UTRN: variants seen among roughly 807,000 people sequenced by gnomAD.
UTRN encodes dystrophin-related protein 1.
A neutral mutation model predicts 463.9 loss-of-function variants in UTRN; 283 were observed. That is an observed-to-expected ratio of 0.61 (90% CI 0.55 to 0.67). UTRN has a LOEUF of 0.67. Among genes scored for constraint, UTRN ranks in the 30% least tolerant of loss-of-function variants. The probability of loss-of-function intolerance (pLI) is 0.00; values close to 1 mark genes in which losing one functional copy is unlikely to be tolerated. For synonymous variants in UTRN, 1,442 were observed against 1,431.5 expected (o/e 1.01, Z -0.17); for missense variants, 3,922 against 4,084.3 (o/e 0.96, Z 1.08).
At chr6:144,493,759 A>G (rs1283340745) in intron 33 of UTRN, among the ~76,000 whole-genome samples, 1 of 151,844 alleles carries the variant, frequency 6.6e-6, no homozygotes, top group African/African-American at 2.4e-5. Flanking sequence ...GCTTGAGCCC[A>G]GGGGTTTGAG....
chr6:144,546,470 C>A (rs897728119), intron 46 of UTRN, among the ~76,000 whole-genome samples: 4 of 152,008 alleles, frequency 2.6e-5, no homozygotes, highest in African/African-American at 9.7e-5. Context: ...AATAATAAAG[C>A]CATTATATGT....
At chr6:144,329,587 T>C (rs547360094) in intron 2 of UTRN, among the ~76,000 whole-genome samples, 2 of 152,204 alleles carry the variant, frequency 1.3e-5, no homozygotes, top group Non-Finnish European at 2.9e-5. Context: ...AGTTGTAAGG[T>C]GATGTGAAAA....
chr6:144,538,348 C>A (rs1048860081), intron 44 of UTRN, among the ~76,000 whole-genome samples: 10 of 151,994 alleles, frequency 6.6e-5, no homozygotes, highest in African/African-American at 2.4e-4. Flanking sequence ...GAACACTCAG[C>A]ATAATGTGCT....
In UTRN at chr6:144,454,506, C is replaced by T. The variant is rs754070108; in HGVS notation, c.2284+637C>T. Reference sequence around the variant, plus strand: ...AAAGACATTTCTTGCACTCCATGTACGTTGGTCTAATAATGGTAAGCACTT... The same window carrying T: ...AAAGACATTTCTTGCACTCCATGTATGTTGGTCTAATAATGGTAAGCACTT... On this transcript the variant is annotated intron_variant, in intron 19 of 74. Transcript: ENST00000367545. 6.6e-5 allele frequency among the ~76,000 whole-genome samples: 10 copies of T among 152,008 alleles called. 1 individual carries two copies. Among genetic ancestry groups the T allele is most frequent in the African/African-American group, 7.2e-5 (3 of 41,404 alleles).
chr6:144,434,779 C>T (rs1786369590), intron 9 of UTRN, among the ~76,000 whole-genome samples: 1 of 152,094 alleles, frequency 6.6e-6, no homozygotes. Context: ...AGCAGGAAAC[C>T]AGGGCAGTGT....
intron 61 of UTRN, among the ~76,000 whole-genome samples, chr6:144,783,298 CT>C (rs1354359190): frequency 1.3e-5 from 2 of 152,042 alleles, no homozygotes; most frequent in Non-Finnish European, 2.9e-5. Flanking sequence ...ATTTACCAAC[CT>C]TTGATTTAGA....
intron 4 of UTRN, 43 bp downstream of exon 4, chr6:144,422,013 G>A: frequency 1.3e-6 from 2 of 1,518,010 alleles, no homozygotes; most frequent in Non-Finnish European, 1.8e-6. Flanking sequence ...TCCGGTCATT[G>A]CTGATACTTG....
At chr6:144,349,042 C>T (rs1022600674) in intron 2 of UTRN, among the ~76,000 whole-genome samples, 6 of 152,046 alleles carry the variant, frequency 3.9e-5, no homozygotes, top group South Asian at 4.1e-4. Context: ...CGGAGTCTCG[C>T]TCTGTCGCCC....
At chr6:144,402,129 A>G (rs1349619966) in intron 2 of UTRN, among the ~76,000 whole-genome samples, 1 of 152,256 alleles carries the variant, frequency 6.6e-6, no homozygotes, top group Non-Finnish European at 1.5e-5. Flanking sequence ...AAGAGGTCCA[A>G]TGAATATTTA....
rs1313524750 is a variant in UTRN, at chr6:144,852,474, A to C, written c.*1477A>C. ...TCTGGCCAGAAGGAGGCTTAAAGTT[A>C]GAAATTGCTATTATTTTAGAATAGG... On this transcript the variant is annotated 3_prime_UTR_variant, in exon 75 of 75. Coordinates refer to ENST00000367545, the MANE Select transcript of UTRN (RefSeq NM_007124.3). 6.6e-6 allele frequency: 1 copy of C among 152,606 alleles called. No individual in the cohort carries two copies. The highest frequency in any genetic ancestry group is 6.6e-5 in the Admixed American group (1 of 15,260). The allele number at this position is 152,606 out of a possible 1,614,324, so 9.5% of individuals were successfully genotyped here.
chr6:144,706,225 CTTT>C (rs59062596), intron 53 of UTRN, among the ~76,000 whole-genome samples: 1 of 144,294 alleles, frequency 6.9e-6, no homozygotes, highest in African/African-American at 2.5e-5. Flanking sequence ...TTCAGGGCAG[CTTT>C]TTTTTTTTTT....
chr6:144,823,441 A>G (rs904317771), intron 66 of UTRN, among the ~76,000 whole-genome samples: 1 of 152,094 alleles, frequency 6.6e-6, no homozygotes, highest in Admixed American at 6.6e-5. Flanking sequence ...GTGGGAGGAG[A>G]ACATTGGAGA....
chr6:144,395,648 GA>G (rs1199197119), intron 2 of UTRN, among the ~76,000 whole-genome samples: 2 of 152,158 alleles, frequency 1.3e-5, no homozygotes, highest in Non-Finnish European at 2.9e-5. Context: ...ATTTAATTCT[GA>G]AAATAACTAT....
chr6:144,772,016 G>GTTTTTTTT lies in UTRN; in HGVS notation c.8557+78_8557+85dup, dbSNP rs748399313. On this transcript the variant is annotated intron_variant, in intron 59 of 74. Transcript: ENST00000367545. Reference sequence around the variant, plus strand: ...AATTAACCTAAACAACTGAGAACCGGTTTTTTTTTTTTTTTTTTTTTTTTT... The same window carrying GTTTTTTTT: ...AATTAACCTAAACAACTGAGAACCGGTTTTTTTTTTTTTTTTTTTTTTTTTTTTTTTTT... 1.7e-4 allele frequency: 22 copies of GTTTTTTTT among 127,580 alleles called. 5 individuals carry two copies. The highest frequency in any genetic ancestry group is 7.8e-4 in the African/African-American group (11 of 14,128). The allele number at this position is 127,580 out of a possible 1,614,324, so 7.9% of individuals were successfully genotyped here.
At chr6:144,667,114 G>A (rs1318219437) in intron 51 of UTRN, among the ~76,000 whole-genome samples, 1 of 151,918 alleles carries the variant, frequency 6.6e-6, no homozygotes, top group Non-Finnish European at 1.5e-5. Context: ...GAGTGCAGTG[G>A]CACCATCTCA....
At chr6:144,331,003 A>C (rs1427804755) in intron 2 of UTRN, 1 of 985,402 alleles carries the variant, frequency 1.0e-6, no homozygotes, top group Non-Finnish European at 1.2e-6. Context: ...CGGAGACGGC[A>C]GACAGTCACA....
chr6:144,561,104 T>A (rs905691082), intron 50 of UTRN, among the ~76,000 whole-genome samples: 8 of 150,090 alleles, frequency 5.3e-5, no homozygotes, highest in Non-Finnish European at 8.9e-5. Context: ...AGATAGTGAT[T>A]GTTGAAATGT....
At chr6:144,444,258 A>T (rs373505676) in intron 13 of UTRN, 23 bp from the exon 14 acceptor site, 53 of 1,594,874 alleles carry the variant, frequency 3.3e-5, no homozygotes, top group Non-Finnish European at 4.4e-5. Flanking sequence ...GTGTTGACAA[A>T]GGATGGTTTC....
chr6:144,473,184 T>G (rs1790845586), intron 23 of UTRN, among the ~76,000 whole-genome samples: 2 of 152,342 alleles, frequency 1.3e-5, no homozygotes, highest in South Asian at 2.1e-4. Flanking sequence ...ACACAGTAGC[T>G]GGATTTTATA....
Sources: gnomAD v4.1 joint callset for allele counts (sites outside exome capture counted in the v4.1 genomes callset) on GRCh38, gnomAD v4.1.1 for gene constraint, MANE v1.5 for transcripts, NCBI Gene and HGNC (gene_info 2026-07-23, HGNC 2026-07-21) for gene names.